CYP2A6: variants seen among roughly 807,000 people sequenced by gnomAD.
The protein encoded by CYP2A6 is cytochrome P450 2A6.
In CYP2A6, 27 loss-of-function variants were observed where a neutral mutation model predicts 42.3. The ratio of observed to expected loss-of-function variants is 0.64; its 90% CI spans 0.47 to 0.88. CYP2A6 has a LOEUF of 0.88. CYP2A6 is among the 40% of genes least tolerant of loss of function. The pLI, the probability that CYP2A6 is intolerant of heterozygous loss-of-function variation, is 0.00. For synonymous variants in CYP2A6, 238 were observed against 246.3 expected (o/e 0.97, Z 0.31); for missense variants, 628 against 646.0 (o/e 0.97, Z 0.30).
At position 40,843,987 on chromosome 19, in the gene CYP2A6, A is replaced by G; in HGVS notation, c.1304-10T>C. 6.3e-7 allele frequency: 1 copy of G among 1,587,432 alleles called. No individual in the cohort carries two copies. Among genetic ancestry groups the G allele is most frequent in the Non-Finnish European group, 8.6e-7 (1 of 1,166,324 alleles). On this transcript the variant is annotated splice_polypyrimidine_tract_variant and intron_variant, in intron 8 of 8. Transcript: ENST00000301141. ...AAACAGTTCCGCTTTCCTGAGGAGG[A>G]GAGGCGGGAGGGGTGGAGGTGAAGC...
chr19:40,849,663 C>T (rs1432364976), intron 2 of CYP2A6, among the ~76,000 whole-genome samples, 155 bp downstream of exon 2: 4 of 151,336 alleles, frequency 2.6e-5, no homozygotes, highest in East Asian at 4.0e-4. Flanking sequence ...GAGGGATACA[C>T]ATGGAGAGGC....
rs953753569 is a variant in CYP2A6, at chr19:40,848,555, G to T, written c.493+59C>A. ...CCCATCCCCAGGCAGAACGCGCGCG[G>T]GTTCCTCGTCCTGGGTGTTTTCCTT... On this transcript the variant is annotated intron_variant, in intron 3 of 8. Transcript: ENST00000301141. 4.6e-5 allele frequency: 74 copies of T among 1,596,148 alleles called. 1 individual carries two copies. The Middle Eastern group carries it at 5.1e-4, about 11-fold the overall frequency.
Position 40,848,725 on chromosome 19 carries a change from G to T in CYP2A6, c.382C>A (p.Arg128=), listed in dbSNP as rs758611446. 2 of 1,611,774 alleles carry T rather than the reference G, an allele frequency of 1.2e-6. No individual in the cohort carries two copies. Among genetic ancestry groups the T allele is most frequent in the Admixed American group, 1.7e-5 (1 of 59,996 alleles). The change falls in exon 3 of 9, where the codon CGG becomes AGG. Residue 128 remains arginine, a synonymous_variant. Coordinates refer to ENST00000301141, the MANE Select transcript of CYP2A6 (RefSeq NM_000762.6). ...CGCAGGGTGGCGATGGAGAAGCGCCGGAGCTGCTTGGCGCGCTCCCCGTTG... is the reference window on the plus strand; with the variant it reads ...CGCAGGGTGGCGATGGAGAAGCGCCTGAGCTGCTTGGCGCGCTCCCCGTTG... ...FSNGERAKQL[R]RFSIATLRDF... is the part of the protein sequence containing the mutation.
At position 40,848,746 on chromosome 19, in the gene CYP2A6, C is replaced by G. The variant is rs61562160; in HGVS notation, c.361G>C (p.Gly121Arg). The change falls in exon 3 of 9, where the codon GGG becomes CGG. Residue 121 changes from glycine to arginine, a missense_variant. Gly to Arg is a moderately radical substitution (Grantham distance 125). Around this residue, in one of 2 missense-constraint regions of CYP2A6, gnomAD observed 606 missense variants for 568.1 expected, o/e 1.07. Transcript: ENST00000301141. Reference sequence around the variant, plus strand: ...CGCCGGAGCTGCTTGGCGCGCTCCCCGTTGCTGAATACCACGCCTGGGGAG... The same window carrying G: ...CGCCGGAGCTGCTTGGCGCGCTCCCGGTTGCTGAATACCACGCCTGGGGAG... ...FKGYGVVFSN[G>R]ERAKQLRRFS... 79 of 1,611,380 alleles carry G rather than the reference C, an allele frequency of 4.9e-5. No homozygotes were observed. The highest frequency in any genetic ancestry group is 1.6e-4 in the Middle Eastern group (1 of 6,062).
chr19:40,847,658 ATC>A (rs112253660), intron 4 of CYP2A6, among the ~76,000 whole-genome samples: 9 of 151,758 alleles, frequency 5.9e-5, no homozygotes, highest in African/African-American at 2.2e-4. Context: ...TCAGGGAACA[ATC>A]TGTCTAGATA....
At position 40,846,230 on chromosome 19, in the gene CYP2A6, C is replaced by T. The variant is rs149001480; in HGVS notation, c.832-133G>A. The T allele has an allele frequency of 8.5e-6, 11 of 1,297,350 alleles. No homozygotes were observed. The Admixed American group carries it at 1.3e-4, about 16-fold the overall frequency. The allele number at this position is 1,297,350 out of a possible 1,614,324, so 80.4% of individuals were successfully genotyped here. On this transcript the variant is annotated intron_variant, in intron 5 of 8. Transcript: ENST00000301141. ...AGAGGGACCCTAGATCTACCAGACTCGCTCTAGGTTCCAGCCCTTGCCCTG... is the reference window on the plus strand; with the variant it reads ...AGAGGGACCCTAGATCTACCAGACTTGCTCTAGGTTCCAGCCCTTGCCCTG...
rs571285801 is a variant in CYP2A6 at position 40,844,597 on chromosome 19, A to C, written c.1303+34T>G. On this transcript the variant is annotated intron_variant, in intron 8 of 8. Transcript: ENST00000301141. ...GGTGAGGGAGGCCCCTGCTGGTGTG[A>C]GCCGTGGCCTGGCAGCAAACAGTGG... The C allele has an allele frequency of 9.7e-5, 156 of 1,610,954 alleles. 7 individuals are homozygous for C. The South Asian group carries it at 1.6e-3, about 16-fold the overall frequency.
At position 40,849,028 on chromosome 19, in the gene CYP2A6, G is replaced by C. The variant is rs921997149; in HGVS notation, c.344-265C>G. Among the ~76,000 whole-genome samples the C allele has an allele frequency of 1.7e-4, 7 of 41,402 alleles. No homozygotes were observed. The highest frequency in any genetic ancestry group is 2.8e-4 in the Non-Finnish European group (5 of 17,732). 27.2% of individuals were successfully genotyped at this position (41,402 alleles called of 152,430 possible). On this transcript the variant is annotated intron_variant, in intron 2 of 8. Coordinates refer to ENST00000301141, the MANE Select transcript of CYP2A6 (RefSeq NM_000762.6). The stretch of plus-strand genomic sequence containing the variant: ...AGAGAGAGAAGAGAGAGAGGAGAGA[G>C]AGAGAGAAGAGAGAGAGGAGAGAGA...
chr19:40,846,905 G>A lies in CYP2A6; in HGVS notation c.801C>T (p.Phe267=), dbSNP rs147901382. ...RTLDPNSPRD[F]IDSFLIRMQE... ...GCATGCGGATGAGAAAGGAGTCAAT[G>A]AAGTCCCGTGGGGAATTGGGATCCA... Residue 267 remains phenylalanine (F), a synonymous_variant, in exon 5 of 9, where the codon TTC becomes TTT. Transcript: ENST00000301141. The A allele has an allele frequency of 2.5e-6, 4 of 1,612,046 alleles. No individual in the cohort carries two copies. The African/African-American group carries it at 5.3e-5, about 22-fold the overall frequency.
Position 40,844,601 on chromosome 19 carries a change from G to T in CYP2A6, c.1303+30C>A, listed in dbSNP as rs374380841. The T allele has an allele frequency of 8.7e-6, 14 of 1,610,760 alleles. No homozygotes were observed. In the African/African-American group the frequency reaches 1.7e-4, roughly 20 times the overall value. ...AGGGAGGCCCCTGCTGGTGTGAGCC[G>T]TGGCCTGGCAGCAAACAGTGGTCTC... On this transcript the variant is annotated intron_variant, in intron 8 of 8. Coordinates refer to ENST00000301141, the MANE Select transcript of CYP2A6 (RefSeq NM_000762.6).
intron 2 of CYP2A6, among the ~76,000 whole-genome samples, chr19:40,849,050 GA>G (rs1967170580): frequency 9.0e-6 from 1 of 110,990 alleles, no homozygotes; most frequent in Non-Finnish European, 1.9e-5. Flanking sequence ...AGAGAGGAGA[GA>G]GAGAGAGAGA....
At position 40,843,863 on chromosome 19, in the gene CYP2A6, A is replaced by G; in HGVS notation, c.1418T>C (p.Val473Ala). ...GGCAAAGCCCACGTGTTTGGGGGAC[A>G]CGTCAATGTCCTTAGGTGACTGGGA... Reference protein sequence around the residue: ...KSSQSPKDIDVSPKHVGFATI... With the variant: ...KSSQSPKDIDASPKHVGFATI... The change falls in exon 9 of 9, where the codon GTG (valine) becomes GCG (alanine). Residue 473 changes from valine (V) to alanine (A), a missense_variant. Coordinates refer to ENST00000301141, the MANE Select transcript of CYP2A6 (RefSeq NM_000762.6). 1 of 1,612,164 alleles carries G rather than the reference A, an allele frequency of 6.2e-7. No homozygotes were observed. The highest frequency in any genetic ancestry group is 2.3e-5 in the East Asian group (1 of 44,088).
In CYP2A6 at chr19:40,844,738, A is replaced by G; in HGVS notation, c.1196T>C (p.Leu399Pro). ...TEVYPMLGSVLRDPSFFSNPQ... is the reference protein window; with the variant it reads ...TEVYPMLGSVPRDPSFFSNPQ... Reference sequence around the variant, plus strand: ...GTTGGAGAAGAAACTGGGGTCTCTCAGCACAGAGCCCAGCATAGGGTACAC... The same window carrying G: ...GTTGGAGAAGAAACTGGGGTCTCTCGGCACAGAGCCCAGCATAGGGTACAC... Residue 399 changes from leucine to proline, a missense_variant, in exon 8 of 9, where the codon CTG becomes CCG. By Grantham distance (98) the Leu-to-Pro change is moderately conservative (BLOSUM62 -3). This residue lies in a region of CYP2A6 where 606 missense variants were observed against 568.1 expected (regional missense o/e 1.07). Transcript: ENST00000301141. 1 of 1,611,670 alleles carries G rather than the reference A, an allele frequency of 6.2e-7. No individual in the cohort carries two copies. The highest frequency in any genetic ancestry group is 8.5e-7 in the Non-Finnish European group (1 of 1,179,834).
At chr19:40,844,608 G>C (rs1365909729) in intron 8 of CYP2A6, 23 bp downstream of exon 8, 2 of 1,611,196 alleles carry the variant, frequency 1.2e-6, no homozygotes, top group Admixed American at 3.3e-5. Context: ...GCCGTGGCCT[G>C]GCAGCAAACA....
chr19:40,845,956 C>A lies in CYP2A6; in HGVS notation c.973G>T (p.Ala325Ser). ...LLLMKHPEVE[A>S]KVHEEIDRVI... ...CACTTCCGTCCCCCTCCAGCCTTACCCTCCACCTCTGGGTGCTTCATGAGC... is the reference window on the plus strand; with the variant it reads ...CACTTCCGTCCCCCTCCAGCCTTACACTCCACCTCTGGGTGCTTCATGAGC... The change falls in exon 6 of 9, where the codon GCC becomes TCC. Residue 325 changes from alanine (A) to serine (S), a missense_variant and splice_region_variant. This residue lies in a region of CYP2A6 where 606 missense variants were observed against 568.1 expected (regional missense o/e 1.07). Coordinates refer to ENST00000301141, the MANE Select transcript of CYP2A6 (RefSeq NM_000762.6). 2 of 1,610,762 alleles carry A rather than the reference C, an allele frequency of 1.2e-6. No homozygotes were observed. Among genetic ancestry groups the A allele is most frequent in the Non-Finnish European group, 1.7e-6 (2 of 1,179,604 alleles).
chr19:40,849,029 A>AGGAGAGAGAGG (rs1231942163), intron 2 of CYP2A6, among the ~76,000 whole-genome samples: 1 of 44,094 alleles, frequency 2.3e-5, no homozygotes, highest in Non-Finnish European at 5.5e-5. Context: ...GAGGAGAGAG[A>AGGAGAGAGAGG]GAGAGAAGAG....
In CYP2A6 at chr19:40,849,021, GGA is replaced by G. The variant is rs1193510304; in HGVS notation, c.344-260_344-259del. On this transcript the variant is annotated intron_variant, in intron 2 of 8. Coordinates refer to ENST00000301141, the MANE Select transcript of CYP2A6 (RefSeq NM_000762.6). ...GAGAGAGAGAGAGAGAAGAGAGAGA[GGA>G]GAGAGAGAGAGAAGAGAGAGAGGAG... is the stretch of plus-strand genomic sequence containing the variant. 1.2e-4 allele frequency among the ~76,000 whole-genome samples: 6 copies of G among 50,118 alleles called. 1 individual carries two copies. The East Asian group carries it at 1.7e-3, about 14-fold the overall frequency. 32.9% of individuals were successfully genotyped at this position (50,118 alleles called of 152,430 possible).
chr19:40,845,209 G>C, intron 7 of CYP2A6, 85 bp downstream of exon 7: 3 of 1,564,926 alleles, frequency 1.9e-6, no homozygotes, highest in Non-Finnish European at 2.6e-6. Flanking sequence ...ACAGGGTCTA[G>C]AAAGCTTCTA....
chr19:40,847,241 G>A lies in CYP2A6; in HGVS notation c.655-190C>T, dbSNP rs56006279. 2.1e-4 allele frequency among the ~76,000 whole-genome samples: 32 copies of A among 151,662 alleles called. 3 individuals are homozygous for A. The East Asian group carries it at 5.8e-3, about 27-fold the overall frequency. On this transcript the variant is annotated intron_variant, in intron 4 of 8. Transcript: ENST00000301141. The stretch of plus-strand genomic sequence containing the variant: ...CAGGAAGGTTAGGTACCAGGGCCAC[G>A]GTCTAGTAATTTAGGTGAGAAGAAC...
Sources: gnomAD v4.1 joint callset for allele counts (sites outside exome capture counted in the v4.1 genomes callset) on GRCh38, gnomAD v4.1.1 for gene constraint, gnomAD v4.1.1 regional missense constraint, MANE v1.5 for transcripts, NCBI Gene and HGNC (gene_info 2026-07-23, HGNC 2026-07-21) for gene names.